Variants in GPHN observed in about 807,000 individuals in gnomAD.
GPHN encodes the protein gephyrin.
In GPHN, 17 loss-of-function variants were observed where a neutral mutation model predicts 95.5. The observed-to-expected ratio is 0.18, with a 90% CI of 0.12 to 0.27. The LOEUF is 0.27. GPHN is among the 10% of genes least tolerant of loss of function. The pLI, the probability that GPHN is intolerant of heterozygous loss-of-function variation, is 1.00. For missense variants in GPHN, 660 were observed against 978.1 expected (o/e 0.67, Z 4.34); for synonymous variants, 320 against 322.5 (o/e 0.99, Z 0.08).
At chr14:67,152,963 CA>C (rs58963986) in intron 18 of GPHN, among the ~76,000 whole-genome samples, 201 of 139,422 alleles carry the variant, frequency 1.4e-3, no homozygotes, top group Admixed American at 2.3e-3. Flanking sequence ...GACTCCGTGT[CA>C]AAAAAAAAAA....
At chr14:66,879,373 A>T (rs1166017575) in intron 4 of GPHN, among the ~76,000 whole-genome samples, 2 of 151,696 alleles carry the variant, frequency 1.3e-5, no homozygotes, top group African/African-American at 4.8e-5. Context: ...AAAAGTGGAG[A>T]AATCTGAAAA....
chr14:67,178,467 G>T (rs1397331854), intron 21 of GPHN, among the ~76,000 whole-genome samples: 3 of 152,094 alleles, frequency 2.0e-5, no homozygotes, highest in Non-Finnish European at 4.4e-5. Flanking sequence ...TGGGTAATCC[G>T]ACCTTTCTCT....
chr14:67,560,119 C>T, the GPHN span, among the ~76,000 whole-genome samples: 1 of 152,282 alleles, frequency 6.6e-6, no homozygotes, highest in East Asian at 1.9e-4. Flanking sequence ...CTCCGCCTCC[C>T]GGGTTCAACC....
chr14:66,999,486 CTTA>C (rs1342114559), intron 9 of GPHN, among the ~76,000 whole-genome samples: 1 of 151,650 alleles, frequency 6.6e-6, no homozygotes, highest in African/African-American at 2.4e-5. Flanking sequence ...TTATTTTTCT[CTTA>C]TTTAGTCATT....
chr14:66,917,633 A>G (rs914906876), intron 6 of GPHN, among the ~76,000 whole-genome samples: 1 of 152,190 alleles, frequency 6.6e-6, no homozygotes, highest in Admixed American at 6.5e-5. Flanking sequence ...TGCACAGTCT[A>G]TTCCTATTCA....
chr14:67,435,939 T>A, the GPHN span, among the ~76,000 whole-genome samples: 1 of 152,226 alleles, frequency 6.6e-6, no homozygotes, highest in East Asian at 1.9e-4. Context: ...TACTGGAGAC[T>A]GCGGATGGTT....
intron 2 of GPHN, among the ~76,000 whole-genome samples, chr14:66,690,307 A>G (rs1250645855): frequency 1.3e-5 from 2 of 152,104 alleles, no homozygotes; most frequent in East Asian, 3.8e-4. Context: ...ATTGTAGAAC[A>G]TGTTCTTCAA....
At chr14:67,229,385 C>T in the GPHN span, among the ~76,000 whole-genome samples, 1 of 152,188 alleles carries the variant, frequency 6.6e-6, no homozygotes, top group Non-Finnish European at 1.5e-5. Context: ...CCCTCTAGAA[C>T]TGTGCAGTCC....
chr14:67,323,180 TATATA>T, the GPHN span, among the ~76,000 whole-genome samples: 1 of 151,650 alleles, frequency 6.6e-6, no homozygotes, highest in African/African-American at 2.4e-5. Flanking sequence ...AAATTATATG[TATATA>T]ATATGTATTA....
At chr14:67,582,237 G>A in the GPHN span, 1 of 1,613,210 alleles carries the variant, frequency 6.2e-7, no homozygotes, top group Non-Finnish European at 8.5e-7. This position sits in a 1 kb window ranked among gnomAD's most constrained non-coding sequence, Gnocchi z 5.0. Context: ...GAAGCAGGAG[G>A]GTCGGGTTGC....
the GPHN span, chr14:67,576,271 A>C: frequency 9.5e-6 from 6 of 632,242 alleles, no homozygotes; most frequent in South Asian, 6.0e-5. The surrounding 1 kb of genome is among the most constrained non-coding windows in gnomAD (Gnocchi z 4.0). Flanking sequence ...GGTAGCCCTG[A>C]CTCATGCCAA....
intron 2 of GPHN, among the ~76,000 whole-genome samples, chr14:66,728,073 G>A (rs1273580354): frequency 6.6e-6 from 1 of 152,116 alleles, no homozygotes; most frequent in African/African-American, 2.4e-5. Context: ...AGGGGCCAAG[G>A]TAAAGCTTGG....
chr14:67,330,215 G>A, the GPHN span, among the ~76,000 whole-genome samples: 7 of 150,334 alleles, frequency 4.7e-5, no homozygotes, highest in African/African-American at 1.5e-4. Flanking sequence ...ATAAGTTGGA[G>A]GGCATTTGTC....
At chr14:67,282,027 GAGA>G in the GPHN span, among the ~76,000 whole-genome samples, 1 of 152,066 alleles carries the variant, frequency 6.6e-6, no homozygotes, top group Admixed American at 6.5e-5. Context: ...TCTTGGATAG[GAGA>G]AGATGTATTT....
At chr14:67,600,263 C>G in the GPHN span, 42 of 1,377,694 alleles carry the variant, frequency 3.0e-5, no homozygotes, top group South Asian at 3.5e-4. Context: ...CGGCCCTGGC[C>G]GTCTCGCCCG....
chr14:67,442,443 C>A, the GPHN span, among the ~76,000 whole-genome samples: 5 of 152,104 alleles, frequency 3.3e-5, no homozygotes, highest in African/African-American at 1.2e-4. Context: ...TGTGTGTGTA[C>A]TTCTACCTAG....
chr14:67,286,930 C>A, the GPHN span, among the ~76,000 whole-genome samples: 3 of 148,396 alleles, frequency 2.0e-5, no homozygotes, highest in South Asian at 6.4e-4. Flanking sequence ...AAAATGTACC[C>A]TTTATGGCTG....
chr14:66,786,082 CAAT>C (rs1359142171), intron 3 of GPHN, among the ~76,000 whole-genome samples: 1 of 151,358 alleles, frequency 6.6e-6, no homozygotes, highest in Non-Finnish European at 1.5e-5. Flanking sequence ...AACAGGAAAA[CAAT>C]AGTCAGTAAA....
the GPHN span, among the ~76,000 whole-genome samples, chr14:67,377,917 G>A: frequency 1.3e-5 from 2 of 151,648 alleles, no homozygotes; most frequent in Admixed American, 6.6e-5. Context: ...AGACCATCCT[G>A]GGCAGCATAG....
Sources: gnomAD v4.1 joint callset for allele counts (sites outside exome capture counted in the v4.1 genomes callset) on GRCh38, gnomAD v4.1.1 for gene constraint, Gnocchi (gnomAD v3.1) non-coding constraint, MANE v1.5 for transcripts, NCBI Gene and HGNC (gene_info 2026-07-23, HGNC 2026-07-21) for gene names.